The following FSIP2 variants were observed in gnomAD, a reference collection of about 807,000 sequenced individuals.
FSIP2 encodes the protein fibrous sheath interacting protein 2.
A neutral mutation model predicts 510.5 loss-of-function variants in FSIP2; 367 were observed. The observed-to-expected ratio is 0.72, with a 90% CI of 0.66 to 0.78. FSIP2 has a LOEUF of 0.78. Ranked by LOEUF, FSIP2 falls within the 30% of genes least tolerant of loss-of-function variation. The pLI is 0.00. For synonymous variants in FSIP2, 2,601 were observed against 2,732.2 expected (o/e 0.95, Z 1.50); for missense variants, 7,594 against 7,901.7 (o/e 0.96, Z 1.48).
intron 13 of FSIP2, among the ~76,000 whole-genome samples, chr2:185,777,343 T>C (rs1692747965): frequency 6.6e-6 from 1 of 151,920 alleles, no homozygotes; most frequent in Non-Finnish European, 1.5e-5. Flanking sequence ...AATTATATCT[T>C]CTGCGAATAA....
intron 13 of FSIP2, among the ~76,000 whole-genome samples, chr2:185,782,099 G>C (rs187258328): frequency 1.3e-5 from 2 of 152,316 alleles, no homozygotes; most frequent in East Asian, 3.9e-4. Context: ...GCCCCCCAAA[G>C]TGCTGGGATT....
At chr2:185,820,885 T>C (rs1693903293) in intron 19 of FSIP2, among the ~76,000 whole-genome samples, 1 of 151,228 alleles carries the variant, frequency 6.6e-6, no homozygotes, top group Admixed American at 6.6e-5. Context: ...CTTTACACCT[T>C]AGGGAACTAG....
In FSIP2 at chr2:185,802,283, A is replaced by C; in HGVS notation, c.12977A>C (p.Asn4326Thr). Reference sequence around the variant, plus strand: ...TCAAAGATTTTCAGCCCAAAGCATAACACTGAAATTGAGTTGAAAAACATG... The same window carrying C: ...TCAAAGATTTTCAGCCCAAAGCATACCACTGAAATTGAGTTGAAAAACATG... Reference protein sequence around the residue: ...LLSKIFSPKHNTEIELKNMTQ... With the variant: ...LLSKIFSPKHTTEIELKNMTQ... The change falls in exon 17 of 23, where the codon AAC becomes ACC. Residue 4326 changes from asparagine (N) to threonine (T), a missense_variant. Transcript: ENST00000424728. 1 of 1,533,862 alleles carries C rather than the reference A, an allele frequency of 6.5e-7. No homozygotes were observed. Among genetic ancestry groups the C allele is most frequent in the South Asian group, 1.2e-5 (1 of 84,018 alleles).
At chr2:185,761,176 C>T in intron 10 of FSIP2, 73 bp downstream of exon 10, 1 of 582,542 alleles carries the variant, frequency 1.7e-6, no homozygotes, top group South Asian at 2.7e-5. Context: ...TCTATGAACT[C>T]TCTCCTTCAG....
intron 7 of FSIP2, among the ~76,000 whole-genome samples, chr2:185,747,941 A>G (rs188119656): frequency 9.1e-4 from 138 of 152,238 alleles, no homozygotes; most frequent in Admixed American, 1.5e-3. Flanking sequence ...ATTAAAAACA[A>G]GCATTGCAAG....
In FSIP2 at chr2:185,805,936, A is replaced by G. The variant is rs1341254598; in HGVS notation, c.16630A>G (p.Thr5544Ala). The part of the protein sequence containing the change: ...ENVSKVTSTT[T>A]VKSKDTQEPN... ...TGTATCAAAAGTTACTTCAACTACC[A>G]CTGTGAAAAGTAAAGATACTCAGGA... is the stretch of plus-strand genomic sequence containing the variant. The change falls in exon 17 of 23, where the codon ACT becomes GCT. Residue 5544 changes from threonine (T) to alanine (A), a missense_variant. Coordinates refer to ENST00000424728, the MANE Select transcript of FSIP2 (RefSeq NM_173651.4). The G allele has an allele frequency of 1.9e-6, 3 of 1,588,600 alleles. No individual in the cohort carries two copies. The highest frequency in any genetic ancestry group is 1.7e-4 in the Middle Eastern group (1 of 5,900).
chr2:185,795,837 G>GAAT lies in FSIP2; in HGVS notation c.8701_8702insAAT (p.Gly2901delinsGluTer). On this transcript the variant is annotated stop_gained and protein_altering_variant, in exon 16 of 23. Transcript: ENST00000424728. LOFTEE classifies it high-confidence loss of function. ...AAGCAGGTTTTATAATCATTTTAAA[G>GAAT]GAGCTTCTACTAGAGCCGAGGATAC... The GAAT allele has an allele frequency of 6.5e-7, 1 of 1,533,368 alleles. No individual in the cohort carries two copies. Among genetic ancestry groups the GAAT allele is most frequent in the South Asian group, 1.2e-5 (1 of 83,500 alleles). The allele number at this position is 1,533,368 out of a possible 1,614,324, so 95.0% of individuals were successfully genotyped here.
rs1365092112 is a variant in FSIP2 at position 185,803,010 on chromosome 2, T to TA, written c.13706dup (p.Asn4569LysfsTer2). 1 of 1,530,568 alleles carries TA rather than the reference T, an allele frequency of 6.5e-7. No individual in the cohort carries two copies. The highest frequency in any genetic ancestry group is 2.5e-5 in the East Asian group (1 of 40,800). 94.8% of individuals were successfully genotyped at this position (1,530,568 alleles called of 1,614,324 possible). A position where few individuals can be genotyped will look rare whatever the true frequency, so the allele number is the denominator to read the frequency against. ...CAGCTGTGCAAAATATCACAAGCAG[T>TA]AATGACATTCTTATAGATAGAATAG... On this transcript the variant is annotated frameshift_variant, in exon 17 of 23. Coordinates refer to ENST00000424728, the MANE Select transcript of FSIP2 (RefSeq NM_173651.4). LOFTEE classifies it high-confidence loss of function.
At chr2:185,750,216 AT>A (rs959546305) in intron 7 of FSIP2, among the ~76,000 whole-genome samples, 2 of 151,626 alleles carry the variant, frequency 1.3e-5, no homozygotes, top group Admixed American at 1.3e-4. Context: ...TGAAAAAATT[AT>A]TTTAGAATTG....
intron 14 of FSIP2, among the ~76,000 whole-genome samples, chr2:185,785,789 C>T (rs1394851060): frequency 2.0e-5 from 3 of 151,910 alleles, no homozygotes; most frequent in Non-Finnish European, 2.9e-5. Flanking sequence ...TTTCTTCCTA[C>T]TGTGGAATAT....
rs1693059378 is a variant in FSIP2 at position 185,789,224 on chromosome 2, TAAA to T, written c.2089_2091del (p.Lys697del). 2 of 1,534,424 alleles carry T rather than the reference TAAA, an allele frequency of 1.3e-6. No individual in the cohort carries two copies. The highest frequency in any genetic ancestry group is 3.9e-5 in the Admixed American group (2 of 50,860). ...ATTTAAAAAATGTTTTTGTTAACTT[TAAA>T]TGTTACTTGAAAGGGGAAACTGAAG... is the stretch of plus-strand genomic sequence containing the variant. On this transcript the variant is annotated inframe_deletion, in exon 16 of 23. Transcript: ENST00000424728.
Position 185,806,802 on chromosome 2 carries a change from C to T in FSIP2, c.17496C>T (p.Ile5832=). Residue 5832 remains isoleucine, a synonymous_variant, in exon 17 of 23, where the codon ATC becomes ATT. Coordinates refer to ENST00000424728, the MANE Select transcript of FSIP2 (RefSeq NM_173651.4). Reference sequence around the variant, plus strand: ...TCTATGACACTGCTATGAAACTCATCAATTCACTGTTAAAGGAGTTCTCAG... The same window carrying T: ...TCTATGACACTGCTATGAAACTCATTAATTCACTGTTAAAGGAGTTCTCAG... ...AKLYDTAMKL[I]NSLLKEFSDA... is the part of the protein sequence containing the mutation. The T allele has an allele frequency of 6.2e-7, 1 of 1,611,662 alleles. No homozygotes were observed. Among genetic ancestry groups the T allele is most frequent in the Non-Finnish European group, 8.5e-7 (1 of 1,178,590 alleles).
chr2:185,767,646 GTATTA>G (rs1437083466), intron 13 of FSIP2, among the ~76,000 whole-genome samples: 1 of 152,004 alleles, frequency 6.6e-6, no homozygotes, highest in Non-Finnish European at 1.5e-5. Context: ...AAATAGTATT[GTATTA>G]TATCTGTCTG....
rs1464927326 is a variant in FSIP2, at chr2:185,791,352, C to T, written c.4216C>T (p.His1406Tyr). The change falls in exon 16 of 23, where the codon CAC becomes TAC. Residue 1406 changes from histidine to tyrosine, a missense_variant. Transcript: ENST00000424728. ...AAATAGGCAAGATAAAAAATCTTTT[C>T]ACAAATATTTGGCTACTCCTTGTAC... ...LPNRQDKKSF[H>Y]KYLATPCTHH... 1 of 1,534,068 alleles carries T rather than the reference C, an allele frequency of 6.5e-7. No individual in the cohort carries two copies. The highest frequency in any genetic ancestry group is 8.7e-7 in the Non-Finnish European group (1 of 1,145,488).
rs1193205014 is a variant in FSIP2 at position 185,757,280 on chromosome 2, T to C, written c.1078+1002T>C. On this transcript the variant is annotated intron_variant, in intron 9 of 22. Transcript: ENST00000424728. ...ACCTCAGTGACATTTCAGGAAAGGA[T>C]GGTCAATGGAAAATATTGTTTTTAG... Among the ~76,000 whole-genome samples the C allele has an allele frequency of 7.3e-5, 11 of 151,492 alleles. No homozygotes were observed. The South Asian group carries it at 8.3e-4, about 11-fold the overall frequency.
chr2:185,830,345 T>C (rs1197914031), intron 21 of FSIP2, among the ~76,000 whole-genome samples: 2 of 151,930 alleles, frequency 1.3e-5, no homozygotes, highest in Admixed American at 6.6e-5. Flanking sequence ...TTTAAAGTCA[T>C]GATTTTAACA....
In FSIP2 at chr2:185,800,018, A is replaced by G. The variant is rs1693391492; in HGVS notation, c.10712A>G (p.Asn3571Ser). ...ATCATTATTAAAATTCTTTTTAATA[A>G]TAAAATTATACAGGCTGACATTGCA... is the stretch of plus-strand genomic sequence containing the variant. ...SEIIIKILFN[N>S]KIIQADIAQK... Residue 3571 changes from asparagine (N) to serine (S), a missense_variant, in exon 17 of 23, where the codon AAT becomes AGT. By Grantham distance (46) the Asn-to-Ser change is conservative. Coordinates refer to ENST00000424728, the MANE Select transcript of FSIP2 (RefSeq NM_173651.4). The G allele has an allele frequency of 2.0e-6, 3 of 1,519,472 alleles. No homozygotes were observed. In the South Asian group the frequency reaches 3.7e-5, roughly 19 times the overall value. The allele number at this position is 1,519,472 out of a possible 1,614,324, so 94.1% of individuals were successfully genotyped here. A position where few individuals can be genotyped will look rare whatever the true frequency, so the allele number is the denominator to read the frequency against.
At chr2:185,753,889 TTATC>T (rs947445696) in intron 8 of FSIP2, 47 bp downstream of exon 8, 227 of 1,315,050 alleles carry the variant, frequency 1.7e-4, no homozygotes, top group Non-Finnish European at 2.2e-4. Flanking sequence ...TAGAAAATGA[TTATC>T]TATGTAAAAA....
chr2:185,765,628 CTCT>C (rs1298449400), intron 13 of FSIP2: 2 of 151,968 alleles, frequency 1.3e-5, no homozygotes, highest in Admixed American at 6.6e-5. Context: ...GTGATGCGGG[CTCT>C]TTTTTGGTTC....
Sources: allele counts gnomAD v4.1 joint callset (sites outside exome capture counted in the v4.1 genomes callset), GRCh38; gene constraint gnomAD v4.1.1; transcripts MANE v1.5; gene names NCBI Gene and HGNC (gene_info 2026-07-23, HGNC 2026-07-21).